AUTS2: variants seen among roughly 807,000 people sequenced by gnomAD.
AUTS2 encodes autism susceptibility gene 2 protein.
A neutral mutation model predicts 112.4 loss-of-function variants in AUTS2; 17 were observed. The observed-to-expected ratio is 0.15, with a 90% CI of 0.10 to 0.23. The LOEUF (loss-of-function observed/expected upper bound fraction) is 0.23, where lower values mean the gene tolerates loss of function less well. AUTS2 is among the 10% of genes least tolerant of loss of function. AUTS2 has a pLI of 1.00. For missense variants in AUTS2, 1,510 were observed against 1,701.6 expected, an observed-to-expected ratio of 0.89 and a Z score of 1.98; for synonymous variants, 751 against 702.7, an observed-to-expected ratio of 1.07 and a Z score of -1.09.
chr7:70,695,017 G>C (rs571531192), intron 5 of AUTS2: 2 of 152,228 alleles, frequency 1.3e-5, no homozygotes, highest in African/African-American at 4.8e-5. Context: ...ACTTGGGGCT[G>C]ACCGGACCGT....
chr7:70,125,212 A>C (rs140862858), intron 3 of AUTS2, among the ~76,000 whole-genome samples: 1 of 145,336 alleles, frequency 6.9e-6, no homozygotes, highest in East Asian at 2.1e-4. Context: ...TATAAACATT[A>C]CTCATTTTGG....
At chr7:70,544,126 A>T (rs760443574) in intron 5 of AUTS2, among the ~76,000 whole-genome samples, 1 of 152,198 alleles carries the variant, frequency 6.6e-6, no homozygotes, top group Non-Finnish European at 1.5e-5. Flanking sequence ...CTTAAACAAG[A>T]TTTGGTGTGA....
intron 4 of AUTS2, among the ~76,000 whole-genome samples, chr7:70,299,985 C>A (rs1395579789): frequency 6.6e-6 from 1 of 151,966 alleles, no homozygotes; most frequent in Non-Finnish European, 1.5e-5. Context: ...TTTATGATAG[C>A]CTTGCTTATA....
chr7:70,065,396 A>G (rs958559125), intron 2 of AUTS2, among the ~76,000 whole-genome samples: 1 of 152,186 alleles, frequency 6.6e-6, no homozygotes, highest in Non-Finnish European at 1.5e-5. Context: ...AAAATTGTTT[A>G]AAAAATTATT....
At chr7:69,899,856 C>T (rs116285222) in intron 2 of AUTS2, among the ~76,000 whole-genome samples, 5,087 of 152,260 alleles carry the variant, frequency 0.033, 122 homozygotes, top group Middle Eastern at 0.085. Context: ...TGGATTTCAT[C>T]ACATACATTG....
intron 1 of AUTS2, among the ~76,000 whole-genome samples, chr7:69,692,995 C>G (rs1219188087): frequency 6.6e-6 from 1 of 152,144 alleles, no homozygotes; most frequent in East Asian, 1.9e-4. Flanking sequence ...AGAAAAAGAT[C>G]TCTCTCATGG....
chr7:69,728,454 G>A (rs1379381562), intron 1 of AUTS2, among the ~76,000 whole-genome samples: 1 of 152,206 alleles, frequency 6.6e-6, no homozygotes, highest in African/African-American at 2.4e-5. Flanking sequence ...GCACATTCTA[G>A]AAGTGCCTGT....
intron 1 of AUTS2, among the ~76,000 whole-genome samples, chr7:69,740,135 C>G (rs982886998): frequency 3.9e-5 from 6 of 152,216 alleles, no homozygotes; most frequent in Admixed American, 3.9e-4. Flanking sequence ...GGAAGTGTGT[C>G]TGGCCCTGCT....
At chr7:70,780,752 T>C (rs1791017177) in intron 14 of AUTS2, among the ~76,000 whole-genome samples, 1 of 152,222 alleles carries the variant, frequency 6.6e-6, no homozygotes, top group Admixed American at 6.5e-5. Context: ...TTAATACTCC[T>C]ACTTTGTTTT....
At chr7:70,062,286 G>A (rs1278206420) in intron 2 of AUTS2, among the ~76,000 whole-genome samples, 4 of 151,616 alleles carry the variant, frequency 2.6e-5, no homozygotes, top group Non-Finnish European at 4.4e-5. Flanking sequence ...CAAGGAGGGC[G>A]GATCACGAGG....
chr7:70,197,581 G>A (rs1273591068), intron 4 of AUTS2, among the ~76,000 whole-genome samples: 3 of 100,204 alleles, frequency 3.0e-5, no homozygotes, highest in East Asian at 2.8e-4. Flanking sequence ...AAGGGGTGAC[G>A]GACGCACCTG....
intron 1 of AUTS2, among the ~76,000 whole-genome samples, chr7:69,868,415 C>T (rs943883405): frequency 2.6e-5 from 4 of 152,134 alleles, no homozygotes; most frequent in African/African-American, 9.7e-5. Flanking sequence ...AGCTCAATTT[C>T]TTCTGGCATA....
At chr7:69,882,323 T>TGAAAAGA (rs1794092024) in intron 1 of AUTS2, among the ~76,000 whole-genome samples, 4 of 151,744 alleles carry the variant, frequency 2.6e-5, no homozygotes, top group Admixed American at 2.6e-4. Context: ...AATAAATAAG[T>TGAAAAGA]AAATAATTTT....
chr7:70,301,889 G>T (rs926564151), intron 4 of AUTS2, among the ~76,000 whole-genome samples: 6 of 151,578 alleles, frequency 4.0e-5, no homozygotes, highest in African/African-American at 1.5e-4. Flanking sequence ...CTCCCAAGTA[G>T]CTGGGACCAC....
At chr7:70,652,717 TCTTA>T (rs1174228344) in intron 5 of AUTS2, among the ~76,000 whole-genome samples, 1 of 152,146 alleles carries the variant, frequency 6.6e-6, no homozygotes, top group Non-Finnish European at 1.5e-5. Context: ...AGACCCTGTG[TCTTA>T]CTTTTTTAAA....
chr7:70,394,907 G>A (rs1411266566), intron 4 of AUTS2, among the ~76,000 whole-genome samples: 3 of 151,952 alleles, frequency 2.0e-5, no homozygotes, highest in African/African-American at 7.3e-5. Context: ...ACAAGACCCT[G>A]TCTCTTAAAA....
At chr7:70,436,037 A>G (rs1795880851) in intron 5 of AUTS2, 1 of 390,050 alleles carries the variant, frequency 2.6e-6, no homozygotes, top group Admixed American at 4.4e-5. Context: ...TTTATGGAAG[A>G]TGACTCATAG....
chr7:69,672,413 C>CT (rs1796378618), intron 1 of AUTS2, among the ~76,000 whole-genome samples: 1 of 152,180 alleles, frequency 6.6e-6, no homozygotes, highest in Non-Finnish European at 1.5e-5. Context: ...TCCATGAACT[C>CT]TATCTTGGAT....
intron 6 of AUTS2, among the ~76,000 whole-genome samples, chr7:70,756,916 G>A (rs1229912020): frequency 6.6e-6 from 1 of 152,282 alleles, no homozygotes; most frequent in Non-Finnish European, 1.5e-5. Context: ...CACAAATGTC[G>A]GGTGGAATTT....
Sources: allele counts gnomAD v4.1 joint callset (sites outside exome capture counted in the v4.1 genomes callset), GRCh38; gene constraint gnomAD v4.1.1; transcripts MANE v1.5; gene names NCBI Gene and HGNC (gene_info 2026-07-23, HGNC 2026-07-21).